RNF111: variants seen among roughly 807,000 people sequenced by gnomAD.
RNF111 encodes the protein ring finger protein 111, also known as E3 ubiquitin-protein ligase Arkadia.
In RNF111, 17 loss-of-function variants were observed where a neutral mutation model predicts 95.1. The observed-to-expected ratio is 0.18, with a 90% confidence interval of 0.12 to 0.27. The LOEUF (loss-of-function observed/expected upper bound fraction) is 0.27, where lower values mean the gene tolerates loss of function less well. RNF111 is among the 10% of genes least tolerant of loss of function. The probability of loss-of-function intolerance (pLI) is 1.00; values close to 1 mark genes in which losing one functional copy is unlikely to be tolerated. For synonymous variants in RNF111, 440 were observed against 414.8 expected (o/e 1.06, Z -0.74); for missense variants, 1,189 against 1,210.4 (o/e 0.98, Z 0.26).
intron 2 of RNF111, among the ~76,000 whole-genome samples, chr15:59,043,404 G>A (rs1403472081): frequency 6.6e-6 from 1 of 152,146 alleles, no homozygotes; most frequent in African/African-American, 2.4e-5. Context: ...TGATCTGCCT[G>A]CCTTGGCCTT....
intron 2 of RNF111, among the ~76,000 whole-genome samples, chr15:59,041,336 A>G (rs1430295467): frequency 6.6e-6 from 1 of 152,106 alleles, no homozygotes; most frequent in East Asian, 1.9e-4. Flanking sequence ...CGGGTGGATC[A>G]TGAGGTCAGG....
intron 2 of RNF111, 112 bp downstream of exon 2, chr15:59,031,814 C>A: frequency 1.1e-6 from 1 of 929,752 alleles, no homozygotes; most frequent in Non-Finnish European, 1.6e-6. Context: ...GTTCTATTAA[C>A]TTTTATTTTT....
chr15:59,062,376 C>T (rs755001570), intron 5 of RNF111, among the ~76,000 whole-genome samples: 25 of 152,152 alleles, frequency 1.6e-4, no homozygotes, highest in Non-Finnish European at 1.2e-4. Flanking sequence ...GCTTCTTGGA[C>T]ATCTCTCCTG....
chr15:59,072,333 T>A (rs1313137164), intron 6 of RNF111, among the ~76,000 whole-genome samples: 1 of 152,212 alleles, frequency 6.6e-6, no homozygotes, highest in African/African-American at 2.4e-5. Context: ...CCATAGAACT[T>A]CTTTCAGAAT....
At chr15:59,084,275 C>G (rs373356359) in intron 9 of RNF111, 21 bp downstream of exon 9, 1 of 1,557,970 alleles carries the variant, frequency 6.4e-7, no homozygotes, top group Non-Finnish European at 8.7e-7. Flanking sequence ...TCTTTAATTT[C>G]AAAACAGTGC....
At chr15:59,058,319 G>T (rs748560607) in intron 4 of RNF111, 37 bp from the exon 5 acceptor site, 1 of 1,537,050 alleles carries the variant, frequency 6.5e-7, no homozygotes, top group South Asian at 1.1e-5. Context: ...TATCTAATTT[G>T]TTTTGAAATG....
intron 1 of RNF111, among the ~76,000 whole-genome samples, chr15:58,992,217 G>A (rs2038849549): frequency 6.6e-6 from 1 of 152,058 alleles, no homozygotes; most frequent in South Asian, 2.1e-4. Flanking sequence ...CTAACTTTTT[G>A]TATTTTTAGT....
chr15:59,016,612 G>T (rs1596086868), intron 1 of RNF111, among the ~76,000 whole-genome samples: 1 of 152,038 alleles, frequency 6.6e-6, no homozygotes, highest in South Asian at 2.1e-4. Context: ...CCATAATTTT[G>T]TTCTACCCTA....
chr15:59,020,118 A>G (rs1457485365), intron 1 of RNF111, among the ~76,000 whole-genome samples: 1 of 148,476 alleles, frequency 6.7e-6, no homozygotes, highest in South Asian at 2.1e-4. Context: ...TATATTTCAT[A>G]TATAAAATAC....
Position 59,066,849 on chromosome 15 carries a change from C to G in RNF111, c.1452C>G (p.His484Gln). 6.2e-7 allele frequency: 1 copy of G among 1,614,150 alleles called. No individual in the cohort carries two copies. Among genetic ancestry groups the G allele is most frequent in the East Asian group, 2.2e-5 (1 of 44,870 alleles). Residue 484 changes from histidine (H) to glutamine (Q), a missense_variant, in exon 6 of 14, where the codon CAC (histidine) becomes CAG (glutamine). By Grantham distance (24) the His-to-Gln change is conservative (BLOSUM62 0). Coordinates refer to ENST00000348370, the MANE Select transcript of RNF111 (RefSeq NM_017610.8). The stretch of plus-strand genomic sequence containing the variant: ...GGTTACCTTCCTGCTGTCCCCAGCA[C>G]TCACCATGTGGAGGGTCGTCACAGA... ...MPRLPSCCPQ[H>Q]SPCGGSSQNH... is the part of the protein sequence containing the mutation.
At chr15:59,009,201 C>T (rs7170844) in intron 1 of RNF111, among the ~76,000 whole-genome samples, 6 of 152,192 alleles carry the variant, frequency 3.9e-5, no homozygotes, top group East Asian at 3.9e-4. Context: ...TCAGGTGATC[C>T]GCCCACCTTG....
chr15:59,087,437 G>C (rs2078930334), intron 10 of RNF111, among the ~76,000 whole-genome samples: 1 of 152,174 alleles, frequency 6.6e-6, no homozygotes, highest in African/African-American at 2.4e-5. Flanking sequence ...TATAACTTTT[G>C]AGTTCCTAAA....
chr15:59,016,768 G>A (rs7171680), intron 1 of RNF111, among the ~76,000 whole-genome samples: 2,849 of 152,238 alleles, frequency 0.019, 99 homozygotes, highest in African/African-American at 0.065. Context: ...TAGGAACTAG[G>A]CCATGTACCA....
At chr15:59,030,513 A>G (rs1596136974) in intron 1 of RNF111, among the ~76,000 whole-genome samples, 2 of 152,278 alleles carry the variant, frequency 1.3e-5, no homozygotes, top group South Asian at 4.1e-4. Context: ...TTTGTTGCTG[A>G]AGGTAGTGAG....
chr15:59,010,240 TA>T (rs2039734461), intron 1 of RNF111, among the ~76,000 whole-genome samples: 1 of 152,202 alleles, frequency 6.6e-6, no homozygotes. Context: ...GAAAAATATT[TA>T]TTTTGAAATT....
intron 12 of RNF111, among the ~76,000 whole-genome samples, chr15:59,091,741 G>T (rs748548827): frequency 2.0e-5 from 3 of 152,136 alleles, no homozygotes; most frequent in Non-Finnish European, 2.9e-5. Flanking sequence ...TGACACCAGG[G>T]ACCAGTTTTC....
rs1378127682 is a variant in RNF111 at position 59,096,447 on chromosome 15, T to G, written c.*1547T>G. ...TTCTATTGTCTTTGTGTTTCATAAT[T>G]AGTTTTTATAAAAACAGTTTACATT... On this transcript the variant is annotated 3_prime_UTR_variant, in exon 14 of 14. Coordinates refer to ENST00000348370, the MANE Select transcript of RNF111 (RefSeq NM_017610.8). 2.8e-5 allele frequency: 5 copies of G among 178,198 alleles called. No individual in the cohort carries two copies. Among genetic ancestry groups the G allele is most frequent in the Admixed American group, 1.2e-4 (2 of 16,042 alleles). The allele number at this position is 178,198 out of a possible 1,614,324, so 11.0% of individuals were successfully genotyped here.
At chr15:59,078,089 T>C (rs114299679) in intron 7 of RNF111, among the ~76,000 whole-genome samples, 54 of 152,336 alleles carry the variant, frequency 3.5e-4, no homozygotes, top group African/African-American at 1.3e-3. Flanking sequence ...CTCCCAGCTC[T>C]GACTAATTAG....
chr15:59,016,787 G>A (rs1567213488), intron 1 of RNF111, among the ~76,000 whole-genome samples: 1 of 152,174 alleles, frequency 6.6e-6, no homozygotes, highest in African/African-American at 2.4e-5. Flanking sequence ...CAGTAGGTGA[G>A]TGGTGGATGA....
Sources: gnomAD v4.1 joint callset for allele counts (sites outside exome capture counted in the v4.1 genomes callset) on GRCh38, gnomAD v4.1.1 for gene constraint, MANE v1.5 for transcripts, NCBI Gene and HGNC (gene_info 2026-07-23, HGNC 2026-07-21) for gene names.